Variants in MYOM2 observed in about 807,000 individuals in gnomAD.
MYOM2 encodes myomesin-2.
In MYOM2, 254 loss-of-function variants were observed where a neutral mutation model predicts 187.6. The ratio of observed to expected loss-of-function variants is 1.35; its 90% CI spans 1.22 to 1.50. The LOEUF is 1.50. MYOM2 is among the 40% of genes most tolerant of loss of function. The pLI, the probability that MYOM2 is intolerant of heterozygous loss-of-function variation, is 0.00. For synonymous variants in MYOM2, 981 were observed against 753.8 expected (o/e 1.30, Z -4.94); for missense variants, 2,796 against 1,924.0 (o/e 1.45, Z -8.48).
Position 2,057,648 on chromosome 8 carries a change from GAC to G in MYOM2, c.434_435del (p.Thr145IlefsTer2), listed in dbSNP as rs774676533. On this transcript the variant is annotated frameshift_variant, in exon 5 of 37. Coordinates refer to ENST00000262113, the MANE Select transcript of MYOM2 (RefSeq NM_003970.4). LOFTEE classifies it high-confidence loss of function. Reference sequence around the variant, plus strand: ...ATGGAGGACAAGCTGGCCTGGGAGAGACACACATTTGAAGAGCGGATAAGCAG... The same window carrying G: ...ATGGAGGACAAGCTGGCCTGGGAGAGACACATTTGAAGAGCGGATAAGCAG... 8.1e-6 allele frequency: 13 copies of G among 1,614,022 alleles called. No individual in the cohort carries two copies. The highest frequency in any genetic ancestry group is 1.1e-5 in the Non-Finnish European group (13 of 1,180,034).
At chr8:2,076,837 C>T (rs1819441453) in intron 11 of MYOM2, among the ~76,000 whole-genome samples, 1 of 152,148 alleles carries the variant, frequency 6.6e-6, no homozygotes, top group Non-Finnish European at 1.5e-5. Context: ...ATCGTTGGAG[C>T]CAGTGGAGTT....
At chr8:2,085,224 G>C in intron 13 of MYOM2, 39 bp from the exon 14 acceptor site, 1 of 1,603,096 alleles carries the variant, frequency 6.2e-7, no homozygotes, top group Non-Finnish European at 8.5e-7. Context: ...GAGGCTGATG[G>C]GGGTCCTTCA....
At position 2,116,242 on chromosome 8, in the gene MYOM2, G is replaced by A. The variant is rs1226585625; in HGVS notation, c.3352G>A (p.Glu1118Lys). 6.2e-7 allele frequency: 1 copy of A among 1,612,678 alleles called. No homozygotes were observed. The highest frequency in any genetic ancestry group is 8.5e-7 in the Non-Finnish European group (1 of 1,179,266). Residue 1118 changes from glutamate (E) to lysine (K), a missense_variant, in exon 27 of 37, where the codon GAG (glutamate) becomes AAG (lysine). By Grantham distance (56) the Glu-to-Lys change is moderately conservative. Transcript: ENST00000262113. ...ATTCAAGACTGTGCTGGAAGAGGCT[G>A]AGTTTCAAAGGAAAGAATTTCTCAG... The part of the protein sequence containing the change: ...DAFKTVLEEA[E>K]FQRKEFLRKQ...
chr8:2,138,185 C>A (rs77010414), intron 32 of MYOM2, among the ~76,000 whole-genome samples: 7,151 of 152,304 alleles, frequency 0.047, 512 homozygotes, highest in African/African-American at 0.15. Flanking sequence ...CGGATGGAGA[C>A]TCTGGCAAGT....
chr8:2,132,366 G>T (rs1797905209), intron 32 of MYOM2, among the ~76,000 whole-genome samples: 1 of 152,230 alleles, frequency 6.6e-6, no homozygotes, highest in Non-Finnish European at 1.5e-5. Flanking sequence ...TATAGAACAT[G>T]TCACTTTAAG....
intron 2 of MYOM2, 28 bp from the exon 3 acceptor site, chr8:2,052,130 T>C: frequency 6.2e-7 from 1 of 1,611,472 alleles, no homozygotes; most frequent in Non-Finnish European, 8.5e-7. Flanking sequence ...TGAGCATGCA[T>C]CTCCTAATCG....
chr8:2,054,007 T>C (rs999884313), intron 3 of MYOM2, among the ~76,000 whole-genome samples: 4 of 152,192 alleles, frequency 2.6e-5, no homozygotes, highest in Admixed American at 6.5e-5. Flanking sequence ...ATCACCGTCA[T>C]GCAGAAGGGC....
intron 36 of MYOM2, among the ~76,000 whole-genome samples, 157 bp downstream of exon 36, chr8:2,143,613 C>T (rs1798355686): frequency 6.6e-6 from 1 of 152,192 alleles, no homozygotes. Flanking sequence ...TTCTGCCCCT[C>T]CTAGACGGCT....
intron 28 of MYOM2, among the ~76,000 whole-genome samples, chr8:2,122,518 T>C (rs937540910): frequency 6.6e-6 from 1 of 152,238 alleles, no homozygotes; most frequent in Admixed American, 6.5e-5. Context: ...GCAGAGCTGA[T>C]GACACTGTTG....
In MYOM2 at chr8:2,123,573, G is replaced by A. The variant is rs771397137; in HGVS notation, c.3586G>A (p.Gly1196Ser). 27 of 1,614,064 alleles carry A rather than the reference G, an allele frequency of 1.7e-5. No homozygotes were observed. Among genetic ancestry groups the A allele is most frequent in the African/African-American group, 2.7e-5 (2 of 75,032 alleles). Residue 1196 changes from glycine to serine, a missense_variant, in exon 30 of 37, where the codon GGT (glycine) becomes AGT (serine). By Grantham distance (56) the Gly-to-Ser change is moderately conservative. Coordinates refer to ENST00000262113, the MANE Select transcript of MYOM2 (RefSeq NM_003970.4). ...TTTGTAGTTGTCAAAGAAGGACCAC[G>A]GTGAATACAAGGCAACCTTGAAAGA... ...LIPKLSKKDHGEYKATLKDDR... is the reference protein window; with the variant it reads ...LIPKLSKKDHSEYKATLKDDR...
At position 2,090,046 on chromosome 8, in the gene MYOM2, C is replaced by G; in HGVS notation, c.1683C>G (p.Ala561=). The change falls in exon 15 of 37, where the codon GCC becomes GCG. Residue 561 remains alanine, a synonymous_variant. Transcript: ENST00000262113. ...VGSGSWQRVN[A]QTAVRSPRYA... ...GCGGCAGCTGGCAGAGAGTCAACGC[C>G]CAGACGGCTGTGAGATCCCCGAGAT... 6.2e-7 allele frequency: 1 copy of G among 1,613,924 alleles called. No homozygotes were observed. The highest frequency in any genetic ancestry group is 8.5e-7 in the Non-Finnish European group (1 of 1,179,928).
chr8:2,143,432 C>T lies in MYOM2; in HGVS notation c.4056C>T (p.Asp1352=), dbSNP rs35321833. 3,154 of 1,614,050 alleles carry T rather than the reference C, an allele frequency of 2.0e-3. 46 individuals carry two copies. In the African/African-American group the frequency reaches 0.035, roughly 18 times the overall value. ...NRGRLIGGLP[D]VVTIMEGKTL... is the part of the protein sequence containing the mutation. ...GCAGGTTGATCGGCGGCTTGCCTGA[C>T]GTGGTGACCATCATGGAAGGGAAGG... The change falls in exon 36 of 37, where the codon GAC becomes GAT. Residue 1352 remains aspartate (D), a synonymous_variant. Coordinates refer to ENST00000262113, the MANE Select transcript of MYOM2 (RefSeq NM_003970.4).
Position 2,127,051 on chromosome 8 carries a change from C to G in MYOM2, c.3695-2076C>G, listed in dbSNP as rs960914110. 1.3e-3 allele frequency among the ~76,000 whole-genome samples: 195 copies of G among 151,962 alleles called. 3 individuals are homozygous for G. The highest frequency in any genetic ancestry group is 0.013 in the Admixed American group (193 of 15,272). On this transcript the variant is annotated intron_variant, in intron 31 of 36. Coordinates refer to ENST00000262113, the MANE Select transcript of MYOM2 (RefSeq NM_003970.4). ...CTGCTTCTGGTCTGTGTGCTTTGCT[C>G]TCAGGCTGCTCCGACCCTCCCGTGT... is the stretch of plus-strand genomic sequence containing the variant.
At chr8:2,068,915 G>A (rs1585845915) in intron 6 of MYOM2, among the ~76,000 whole-genome samples, 1 of 152,344 alleles carries the variant, frequency 6.6e-6, no homozygotes, top group African/African-American at 2.4e-5. Flanking sequence ...GAGGTCACGG[G>A]AGGCTGTCCA....
chr8:2,130,366 C>T (rs556007466), intron 32 of MYOM2, among the ~76,000 whole-genome samples: 123 of 121,148 alleles, frequency 1.0e-3, no homozygotes, highest in Middle Eastern at 3.8e-3. Flanking sequence ...AGTTAACGCC[C>T]CTCACTACGC....
intron 4 of MYOM2, 57 bp downstream of exon 4, chr8:2,057,543 G>C: frequency 6.2e-7 from 1 of 1,613,168 alleles, no homozygotes; most frequent in African/African-American, 1.3e-5. Flanking sequence ...ATCTTAGCTT[G>C]TCTGCATGGT....
At chr8:2,083,942 A>G (rs7836050) in intron 13 of MYOM2, among the ~76,000 whole-genome samples, 1,690 of 152,342 alleles carry the variant, frequency 0.011, 38 homozygotes, top group African/African-American at 0.039. Context: ...GCAGCAAGAC[A>G]GTTCCGAAAG....
rs1488730674 is a variant in MYOM2 at position 2,145,005 on chromosome 8, G to A, written c.*24G>A. ...GAAGGCGTTTTCCTAGCCTGGAGAT[G>A]GGAAAATATGCTTGGCAGAGACAGG... On this transcript the variant is annotated 3_prime_UTR_variant, in exon 37 of 37. Coordinates refer to ENST00000262113, the MANE Select transcript of MYOM2 (RefSeq NM_003970.4). 3 of 1,608,570 alleles carry A rather than the reference G, an allele frequency of 1.9e-6. No individual in the cohort carries two copies. The highest frequency in any genetic ancestry group is 1.7e-6 in the Non-Finnish European group (2 of 1,178,270).
chr8:2,120,216 T>G (rs904449989), intron 28 of MYOM2, among the ~76,000 whole-genome samples: 1 of 152,004 alleles, frequency 6.6e-6, no homozygotes, highest in Non-Finnish European at 1.5e-5. Context: ...TGGATGGAAG[T>G]TGCAAGAAGG....
Sources: allele counts gnomAD v4.1 joint callset (sites outside exome capture counted in the v4.1 genomes callset), GRCh38; gene constraint gnomAD v4.1.1; transcripts MANE v1.5; gene names NCBI Gene and HGNC (gene_info 2026-07-23, HGNC 2026-07-21).